Variants in NEK1 observed in about 807,000 individuals in gnomAD.
NEK1 encodes serine/threonine-protein kinase Nek1.
Under a neutral mutation model 182.1 loss-of-function variants are expected in NEK1, and 137 were observed. The observed-to-expected ratio is 0.75, with a 90% CI of 0.65 to 0.87. NEK1 has a LOEUF of 0.87. Ranked by LOEUF, NEK1 falls within the 40% of genes least tolerant of loss-of-function variation. The pLI is 0.00. For missense variants in NEK1, 1,391 were observed against 1,494.4 expected (o/e 0.93, Z 1.14); for synonymous variants, 513 against 492.2 (o/e 1.04, Z -0.56).
intron 12 of NEK1, among the ~76,000 whole-genome samples, chr4:169,573,481 C>T (rs1765189705): frequency 6.6e-6 from 1 of 152,152 alleles, no homozygotes; most frequent in Non-Finnish European, 1.5e-5. Flanking sequence ...CACTGACCAG[C>T]TTCAGGCACA....
chr4:169,596,858 G>C (rs1769587607), intron 5 of NEK1, among the ~76,000 whole-genome samples: 1 of 152,112 alleles, frequency 6.6e-6, no homozygotes, highest in Non-Finnish European at 1.5e-5. Context: ...CAGAAGGGTA[G>C]AAAAAATGCT....
chr4:169,478,670 C>A (rs1160880166), intron 24 of NEK1, among the ~76,000 whole-genome samples: 1 of 151,874 alleles, frequency 6.6e-6, no homozygotes, highest in African/African-American at 2.4e-5. Flanking sequence ...TGAAACTAAA[C>A]AAATAAAAAG....
intron 31 of NEK1, among the ~76,000 whole-genome samples, chr4:169,408,355 C>T (rs1345000215): frequency 1.3e-5 from 2 of 152,202 alleles, no homozygotes; most frequent in Admixed American, 6.5e-5. Flanking sequence ...TTCATGTTCA[C>T]AGTACTCCTT....
At chr4:169,482,676 C>G (rs1377026296) in intron 23 of NEK1, among the ~76,000 whole-genome samples, 1 of 151,806 alleles carries the variant, frequency 6.6e-6, no homozygotes, top group Admixed American at 6.6e-5. Context: ...TACTGTCGCC[C>G]AGGCTGGAGT....
chr4:169,547,625 T>C (rs1365801683), intron 18 of NEK1, among the ~76,000 whole-genome samples: 1 of 152,180 alleles, frequency 6.6e-6, no homozygotes, highest in Non-Finnish European at 1.5e-5. Context: ...AAATGTAGAT[T>C]TGGTCTTTTC....
At chr4:169,543,146 T>C (rs1029083468) in intron 18 of NEK1, among the ~76,000 whole-genome samples, 13 of 152,186 alleles carry the variant, frequency 8.5e-5, no homozygotes, top group African/African-American at 1.9e-4. Flanking sequence ...CTTTAATCCA[T>C]CTTGAGTTAA....
At chr4:169,406,836 T>A (rs1466739072) in intron 31 of NEK1, 89 bp from the exon 32 acceptor site, 1 of 1,062,330 alleles carries the variant, frequency 9.4e-7, no homozygotes, top group Non-Finnish European at 1.3e-6. Context: ...ACAATTTTGT[T>A]ACATATGTGT....
At chr4:169,533,959 G>A (rs926789119) in intron 19 of NEK1, among the ~76,000 whole-genome samples, 10 of 152,084 alleles carry the variant, frequency 6.6e-5, no homozygotes, top group East Asian at 1.9e-4. Context: ...AGTTCAGAAC[G>A]TCAAGGACAG....
intron 26 of NEK1, among the ~76,000 whole-genome samples, chr4:169,463,913 G>T (rs954142846): frequency 2.0e-5 from 3 of 152,090 alleles, no homozygotes; most frequent in South Asian, 4.1e-4. Context: ...GATTATAGGT[G>T]TGAACCACCA....
At chr4:169,569,519 CCA>C (rs1342630065) in intron 12 of NEK1, among the ~76,000 whole-genome samples, 2 of 143,454 alleles carry the variant, frequency 1.4e-5, no homozygotes, top group African/African-American at 5.0e-5. Flanking sequence ...CCCTCTCTTT[CCA>C]CAGTCTCCCT....
rs550876134 is a variant in NEK1, at chr4:169,535,215, C to T, written c.1665+2594G>A. On this transcript the variant is annotated intron_variant, in intron 19 of 35. Transcript: ENST00000507142. ...GCACATGCCTGTAATCCCAGCTGCT[C>T]GGGAGGCTGAGGCAGAAGAATCTCC... Among the ~76,000 whole-genome samples, 7 of 151,972 alleles carry T rather than the reference C, an allele frequency of 4.6e-5. No homozygotes were observed. The East Asian group carries it at 1.2e-3, about 25-fold the overall frequency.
chr4:169,483,955 T>G (rs1185869674), intron 23 of NEK1, among the ~76,000 whole-genome samples: 2 of 152,042 alleles, frequency 1.3e-5, no homozygotes, highest in African/African-American at 4.8e-5. Context: ...AGATTATATC[T>G]AAATATTTTG....
chr4:169,460,402 T>A (rs1233232788), intron 27 of NEK1, among the ~76,000 whole-genome samples: 1 of 151,494 alleles, frequency 6.6e-6, no homozygotes, highest in Non-Finnish European at 1.5e-5. Flanking sequence ...TCTCGTGAGA[T>A]CCATTCACTA....
chr4:169,432,674 A>G (rs1394589960), intron 29 of NEK1, among the ~76,000 whole-genome samples: 1 of 152,164 alleles, frequency 6.6e-6, no homozygotes, highest in Non-Finnish European at 1.5e-5. Context: ...CAATATATTT[A>G]TTTTTGCTTA....
chr4:169,396,282 C>T (rs1460928223), intron 35 of NEK1, among the ~76,000 whole-genome samples: 1 of 135,554 alleles, frequency 7.4e-6, no homozygotes, highest in Non-Finnish European at 1.5e-5. Context: ...AGGAGAATTG[C>T]TTGAACCTGG....
chr4:169,422,664 T>C (rs1394318022), intron 31 of NEK1, among the ~76,000 whole-genome samples: 1 of 152,232 alleles, frequency 6.6e-6, no homozygotes, highest in Non-Finnish European at 1.5e-5. Context: ...TTTGATTTTC[T>C]AGTGTTTTTT....
At chr4:169,571,041 C>T (rs1003604755) in intron 12 of NEK1, among the ~76,000 whole-genome samples, 15 of 151,804 alleles carry the variant, frequency 9.9e-5, no homozygotes, top group African/African-American at 3.1e-4. Flanking sequence ...ACAAACACTG[C>T]GGAAGGCTGC....
intron 20 of NEK1, 81 bp from the exon 21 acceptor site, chr4:169,508,412 T>G: frequency 8.8e-7 from 1 of 1,138,690 alleles, no homozygotes; most frequent in Non-Finnish European, 1.2e-6. Flanking sequence ...TTTTTAAATT[T>G]AAGGAACAGT....
At chr4:169,512,955 A>G (rs995416254) in intron 19 of NEK1, among the ~76,000 whole-genome samples, 3 of 152,076 alleles carry the variant, frequency 2.0e-5, no homozygotes, top group African/African-American at 7.2e-5. Flanking sequence ...TCATTGATCT[A>G]TGTGTCTATC....
Sources: allele counts gnomAD v4.1 joint callset (sites outside exome capture counted in the v4.1 genomes callset), GRCh38; gene constraint gnomAD v4.1.1; transcripts MANE v1.5; gene names NCBI Gene and HGNC (gene_info 2026-07-23, HGNC 2026-07-21).